The following TMPRSS11D variants were observed in gnomAD, a reference collection of about 807,000 sequenced individuals.
The protein encoded by TMPRSS11D is transmembrane serine protease 11D.
TMPRSS11D carries 32 observed loss-of-function variants against 44.4 expected under a neutral mutation model. The observed-to-expected ratio is 0.72, with a 90% CI of 0.54 to 0.97. The LOEUF (loss-of-function observed/expected upper bound fraction) is 0.97, where lower values mean the gene tolerates loss of function less well. TMPRSS11D is among the 50% of genes least tolerant of loss of function. The probability of loss-of-function intolerance (pLI) is 0.00; values close to 1 mark genes in which losing one functional copy is unlikely to be tolerated. For missense variants in TMPRSS11D, 446 were observed against 502.6 expected (o/e 0.89, Z 1.08); for synonymous variants, 179 against 177.9 (o/e 1.01, Z -0.05).
chr4:67,868,801 T>G (rs1029965476), intron 1 of TMPRSS11D, among the ~76,000 whole-genome samples: 4 of 152,228 alleles, frequency 2.6e-5, no homozygotes, highest in African/African-American at 9.6e-5. Context: ...CCAGTTGGGC[T>G]GCAAGAGGCG....
At chr4:67,829,508 C>T in intron 7 of TMPRSS11D, among the ~76,000 whole-genome samples, 1 of 147,144 alleles carries the variant, frequency 6.8e-6, no homozygotes, top group East Asian at 2.0e-4. Flanking sequence ...GGCTAAACAA[C>T]AAAAACACAA....
At chr4:67,837,079 G>A (rs1239087302) in intron 5 of TMPRSS11D, among the ~76,000 whole-genome samples, 2 of 151,992 alleles carry the variant, frequency 1.3e-5, no homozygotes, top group African/African-American at 2.4e-5. Context: ...CTCTTGTGTT[G>A]GAATATCTTT....
intron 2 of TMPRSS11D, among the ~76,000 whole-genome samples, chr4:67,856,180 A>G (rs1244645129): frequency 1.3e-5 from 2 of 152,216 alleles, no homozygotes; most frequent in African/African-American, 4.8e-5. Context: ...TAGTCGAATC[A>G]CACCTGAGCA....
At position 67,835,136 on chromosome 4, in the gene TMPRSS11D, T is replaced by A. The variant is rs76783931; in HGVS notation, c.476-15A>T. 5,190 of 1,607,208 alleles carry A rather than the reference T, an allele frequency of 3.2e-3. 143 individuals carry two copies. In the African/African-American group the frequency reaches 0.062, roughly 19 times the overall value. ...GTCAGTAAGTGCTAGTATTAAAAAATGAGAATAAGATAAATACAATAAAGG... is the reference window on the plus strand; with the variant it reads ...GTCAGTAAGTGCTAGTATTAAAAAAAGAGAATAAGATAAATACAATAAAGG... On this transcript the variant is annotated splice_polypyrimidine_tract_variant and intron_variant, in intron 5 of 9. Coordinates refer to ENST00000283916, the MANE Select transcript of TMPRSS11D (RefSeq NM_004262.3).
At chr4:67,837,528 C>T (rs988436501) in intron 5 of TMPRSS11D, among the ~76,000 whole-genome samples, 34 of 152,000 alleles carry the variant, frequency 2.2e-4, no homozygotes, top group African/African-American at 5.8e-4. Context: ...TTGAGCTCAT[C>T]GAGAAGAAAT....
At chr4:67,857,724 A>AG (rs1325963345) in intron 2 of TMPRSS11D, among the ~76,000 whole-genome samples, 1 of 152,158 alleles carries the variant, frequency 6.6e-6, no homozygotes, top group African/African-American at 2.4e-5. Flanking sequence ...GAGGGGTGTG[A>AG]GGGGGATTGA....
chr4:67,833,493 C>A, intron 6 of TMPRSS11D, 112 bp from the exon 7 acceptor site: 1 of 1,046,422 alleles, frequency 9.6e-7, no homozygotes, highest in East Asian at 2.9e-5. Context: ...CATTCTTCCT[C>A]AGGACATGCT....
intron 7 of TMPRSS11D, among the ~76,000 whole-genome samples, chr4:67,828,736 C>G (rs774240703): frequency 6.6e-6 from 1 of 152,040 alleles, no homozygotes; most frequent in African/African-American, 2.4e-5. Flanking sequence ...TATGGCTTTA[C>G]TAATACAATC....
intron 1 of TMPRSS11D, among the ~76,000 whole-genome samples, chr4:67,872,295 T>C (rs1348888797): frequency 6.6e-6 from 1 of 152,198 alleles, no homozygotes; most frequent in East Asian, 1.9e-4. Flanking sequence ...TTTCATTCTT[T>C]ATTTTCATTT....
rs529348962 is a variant in TMPRSS11D, at chr4:67,845,533, C to T, written c.250-2908G>A. On this transcript the variant is annotated intron_variant, in intron 3 of 9. Coordinates refer to ENST00000283916, the MANE Select transcript of TMPRSS11D (RefSeq NM_004262.3). The stretch of plus-strand genomic sequence containing the variant: ...AGTTGACTACTGCAAATCATAGAGA[C>T]GATGTATCTACTTTTCATAAGTTTT... Among the ~76,000 whole-genome samples the T allele has an allele frequency of 1.1e-4, 16 of 152,224 alleles. No individual in the cohort carries two copies. In the East Asian group the frequency reaches 2.3e-3, roughly 22 times the overall value.
intron 2 of TMPRSS11D, among the ~76,000 whole-genome samples, chr4:67,855,903 A>G (rs1448816464): frequency 1.3e-5 from 2 of 152,188 alleles, no homozygotes; most frequent in Non-Finnish European, 2.9e-5. Context: ...CTATACACCA[A>G]CAATGAAATA....
intron 2 of TMPRSS11D, 74 bp from the exon 3 acceptor site, chr4:67,854,260 G>A: frequency 1.3e-6 from 1 of 768,232 alleles, no homozygotes; most frequent in Non-Finnish European, 2.1e-6. Flanking sequence ...TCAGGATTAT[G>A]GGAGGTTATA....
At chr4:67,882,943 G>C (rs527826544) in intron 1 of TMPRSS11D, among the ~76,000 whole-genome samples, 24 of 151,752 alleles carry the variant, frequency 1.6e-4, no homozygotes, top group African/African-American at 5.8e-4. Flanking sequence ...TACATTTCTT[G>C]TATCTATTAC....
intron 9 of TMPRSS11D, among the ~76,000 whole-genome samples, chr4:67,823,045 A>G (rs770878950): frequency 2.6e-5 from 4 of 152,140 alleles, no homozygotes; most frequent in African/African-American, 9.7e-5. Flanking sequence ...TATTTATTCA[A>G]TGTCTGTTTT....
chr4:67,831,904 A>G (rs1396365764), intron 7 of TMPRSS11D, among the ~76,000 whole-genome samples: 2 of 152,202 alleles, frequency 1.3e-5, no homozygotes, highest in Non-Finnish European at 2.9e-5. Flanking sequence ...ACTTTAGTTC[A>G]GTAACTACCC....
chr4:67,837,107 G>C (rs1437673109), intron 5 of TMPRSS11D, among the ~76,000 whole-genome samples: 10 of 152,072 alleles, frequency 6.6e-5, no homozygotes, highest in African/African-American at 2.4e-4. Context: ...ACTAGATTAT[G>C]GGCTCTGGAG....
chr4:67,826,519 C>T (rs1006605489), intron 8 of TMPRSS11D, among the ~76,000 whole-genome samples: 9 of 152,230 alleles, frequency 5.9e-5, no homozygotes, highest in South Asian at 2.1e-4. Context: ...GCATTGTCCT[C>T]ATTTTAGTTT....
chr4:67,851,060 A>G (rs966646095), intron 3 of TMPRSS11D, among the ~76,000 whole-genome samples: 28 of 152,170 alleles, frequency 1.8e-4, no homozygotes, highest in Non-Finnish European at 2.9e-4. Context: ...GCTGCCCCAG[A>G]GCAAACCTTT....
intron 1 of TMPRSS11D, among the ~76,000 whole-genome samples, chr4:67,869,520 G>A (rs1237778583): frequency 6.6e-6 from 1 of 151,860 alleles, no homozygotes; most frequent in Admixed American, 6.6e-5. Context: ...ATAATCATAT[G>A]ATCATACCAT....
Sources: gnomAD v4.1 joint callset for allele counts (sites outside exome capture counted in the v4.1 genomes callset) on GRCh38, gnomAD v4.1.1 for gene constraint, MANE v1.5 for transcripts, NCBI Gene and HGNC (gene_info 2026-07-23, HGNC 2026-07-21) for gene names.